SETD2: variants seen among roughly 807,000 people sequenced by gnomAD.
The protein encoded by SETD2 is SET domain containing 2, histone lysine methyltransferase.
In SETD2, 31 loss-of-function variants were observed where a neutral mutation model predicts 242.1. That is an observed-to-expected ratio of 0.13 (90% CI 0.10 to 0.17). SETD2 has a LOEUF of 0.17. Ranked by LOEUF, SETD2 falls within the 10% of genes least tolerant of loss-of-function variation. The probability of loss-of-function intolerance (pLI) is 1.00; values close to 1 mark genes in which losing one functional copy is unlikely to be tolerated. For missense variants in SETD2, 2,481 were observed against 3,046.3 expected (o/e 0.81, Z 4.37); for synonymous variants, 1,006 against 1,066.5 (o/e 0.94, Z 1.11).
chr3:47,094,557 A>G (rs2041933015), intron 9 of SETD2, among the ~76,000 whole-genome samples: 1 of 152,220 alleles, frequency 6.6e-6, no homozygotes, highest in Non-Finnish European at 1.5e-5. Flanking sequence ...CAAACAGTTG[A>G]ATTCTGTGAT....
At chr3:47,125,017 A>C (rs1043922395) in intron 2 of SETD2, among the ~76,000 whole-genome samples, 2 of 152,136 alleles carry the variant, frequency 1.3e-5, no homozygotes, top group African/African-American at 2.4e-5. Context: ...CATGGAGTGC[A>C]CAGTAAAAAT....
In SETD2 at chr3:47,109,911, G is replaced by A. The variant is rs147654374; in HGVS notation, c.4716-3791C>T. ...TGAGGCAGGAGAATCACTTGAACCC[G>A]GGAAGCAGAGGTTGCAGTGAGCCGT... On this transcript the variant is annotated intron_variant, in intron 5 of 20. Transcript: ENST00000409792. Among the ~76,000 whole-genome samples the A allele has an allele frequency of 5.7e-3, 860 of 151,556 alleles. 23 individuals are homozygous for A. The highest frequency in any genetic ancestry group is 0.043 in the East Asian group (222 of 5,142).
chr3:47,060,220 C>T (rs2040274093), intron 14 of SETD2, among the ~76,000 whole-genome samples: 1 of 152,148 alleles, frequency 6.6e-6, no homozygotes, highest in African/African-American at 2.4e-5. Context: ...CATGATCATG[C>T]CACTGCACTC....
intron 15 of SETD2, among the ~76,000 whole-genome samples, chr3:47,050,047 A>C (rs1304525567): frequency 6.7e-6 from 1 of 148,876 alleles, no homozygotes; most frequent in Non-Finnish European, 1.5e-5. Context: ...ATACATTTTG[A>C]TAGAGGAAAC....
intron 18 of SETD2, among the ~76,000 whole-genome samples, chr3:47,034,448 A>G (rs984356023): frequency 6.6e-6 from 1 of 152,190 alleles, no homozygotes; most frequent in African/African-American, 2.4e-5. Context: ...TTCCTAGGAT[A>G]GACTATATTT....
At chr3:47,029,463 T>C (rs913441648) in intron 18 of SETD2, among the ~76,000 whole-genome samples, 1 of 135,778 alleles carries the variant, frequency 7.4e-6, no homozygotes, top group African/African-American at 2.7e-5. Context: ...AGAAACTTAT[T>C]AAAACACACA....
intron 3 of SETD2, among the ~76,000 whole-genome samples, chr3:47,118,165 A>G (rs887811866): frequency 6.6e-6 from 1 of 152,222 alleles, no homozygotes; most frequent in African/African-American, 2.4e-5. Context: ...GTTAATGAGT[A>G]TATGAATATG....
At chr3:47,063,737 C>A (rs1348799438) in intron 13 of SETD2, among the ~76,000 whole-genome samples, 1 of 152,170 alleles carries the variant, frequency 6.6e-6, no homozygotes, top group African/African-American at 2.4e-5. Context: ...GTAATCCCAG[C>A]ACTTTGGGAG....
intron 19 of SETD2, 102 bp downstream of exon 19, chr3:47,019,658 C>T: frequency 1.0e-6 from 1 of 995,018 alleles, no homozygotes. Flanking sequence ...GTGTTCCTGC[C>T]TATCTTGGGG....
At chr3:47,146,506 T>C (rs975356013) in intron 1 of SETD2, among the ~76,000 whole-genome samples, 2 of 151,692 alleles carry the variant, frequency 1.3e-5, no homozygotes, top group Non-Finnish European at 2.9e-5. Context: ...TAGTCGCCTC[T>C]AATACCAGCT....
Position 47,032,677 on chromosome 3 carries a change from C to T in SETD2, c.7350+4989G>A, listed in dbSNP as rs143389637. Among the ~76,000 whole-genome samples the T allele has an allele frequency of 1.1e-3, 173 of 152,114 alleles. 1 individual carries two copies. Among genetic ancestry groups the T allele is most frequent in the Middle Eastern group, 6.8e-3 (2 of 294 alleles). ...CTATAATCCCGGCACTTTAGGAGGC[C>T]GAGACAAGTGGATCACCTGAGGTCA... On this transcript the variant is annotated intron_variant, in intron 18 of 20. Coordinates refer to ENST00000409792, the MANE Select transcript of SETD2 (RefSeq NM_014159.7).
chr3:47,041,443 T>A, intron 17 of SETD2: 1 of 404,398 alleles, frequency 2.5e-6, no homozygotes. Context: ...AAGCCAGGAG[T>A]TCGTGCAGAT....
chr3:47,023,390 ACT>A (rs1034197598), intron 18 of SETD2, among the ~76,000 whole-genome samples: 1 of 151,998 alleles, frequency 6.6e-6, no homozygotes, highest in African/African-American at 2.4e-5. Context: ...ACAGAGCGAG[ACT>A]CTGTCTCAAA....
At chr3:47,112,738 C>A (rs926142693) in intron 5 of SETD2, among the ~76,000 whole-genome samples, 4 of 151,558 alleles carry the variant, frequency 2.6e-5, no homozygotes, top group African/African-American at 2.4e-5. Context: ...TATAGGCGTG[C>A]GCCACCACAC....
At chr3:47,160,157 T>C (rs1328462652) in intron 1 of SETD2, among the ~76,000 whole-genome samples, 1 of 152,086 alleles carries the variant, frequency 6.6e-6, no homozygotes. Context: ...CCTTTAAATC[T>C]TTCCTAAATA....
At chr3:47,022,349 G>A (rs2038268894) in intron 18 of SETD2, among the ~76,000 whole-genome samples, 1 of 148,110 alleles carries the variant, frequency 6.8e-6, no homozygotes, top group Non-Finnish European at 1.5e-5. Context: ...TAAAAAAACT[G>A]AAAAATTAGC....
chr3:47,057,220 G>A lies in SETD2; in HGVS notation c.6564C>T (p.Leu2188=), dbSNP rs764875408. Residue 2188 remains leucine, a synonymous_variant, in exon 15 of 21, where the codon CTC becomes CTT. Coordinates refer to ENST00000409792, the MANE Select transcript of SETD2 (RefSeq NM_014159.7). ...DPSNPNAGKV[L]LPTPSMDPVC... Reference sequence around the variant, plus strand: ...CTGGGTCCATGCTGGGTGTGGGCAGGAGCACCTTTCCAGCATTAGGGTTGC... The same window carrying A: ...CTGGGTCCATGCTGGGTGTGGGCAGAAGCACCTTTCCAGCATTAGGGTTGC... 2 of 1,614,220 alleles carry A rather than the reference G, an allele frequency of 1.2e-6. No homozygotes were observed. Among genetic ancestry groups the A allele is most frequent in the East Asian group, 2.2e-5 (1 of 44,886 alleles).
chr3:47,111,865 T>C (rs2042665098), intron 5 of SETD2, among the ~76,000 whole-genome samples: 1 of 152,156 alleles, frequency 6.6e-6, no homozygotes, highest in Non-Finnish European at 1.5e-5. Flanking sequence ...CTTTATTACC[T>C]GTGTTTTGAA....
At chr3:47,046,660 T>C (rs763455283) in intron 15 of SETD2, 39 bp from the exon 16 acceptor site, 10 of 1,583,720 alleles carry the variant, frequency 6.3e-6, no homozygotes, top group African/African-American at 1.3e-5. Flanking sequence ...TTTAAGCTTT[T>C]GTCACTTTAA....
Sources: allele counts gnomAD v4.1 joint callset (sites outside exome capture counted in the v4.1 genomes callset), GRCh38; gene constraint gnomAD v4.1.1; transcripts MANE v1.5; gene names NCBI Gene and HGNC (gene_info 2026-07-23, HGNC 2026-07-21).